STXBP6: variants seen among roughly 807,000 people sequenced by gnomAD.
STXBP6 encodes the protein syntaxin binding protein 6.
STXBP6 carries 21 observed loss-of-function variants against 26.9 expected under a neutral mutation model. The ratio of observed to expected loss-of-function variants is 0.78; its 90% confidence interval spans 0.55 to 1.12. The LOEUF (loss-of-function observed/expected upper bound fraction) is 1.12. STXBP6 is among the 50% of genes most tolerant of loss of function. The probability of loss-of-function intolerance (pLI) is 0.00; values close to 1 mark genes in which losing one functional copy is unlikely to be tolerated. For synonymous variants in STXBP6, 97 were observed against 92.6 expected (o/e 1.05, Z -0.27); for missense variants, 232 against 257.9 (o/e 0.90, Z 0.69).
intron 2 of STXBP6, among the ~76,000 whole-genome samples, chr14:24,894,769 G>A (rs1372504393): frequency 6.6e-6 from 1 of 152,190 alleles, no homozygotes; most frequent in East Asian, 1.9e-4. Context: ...CTTGCATTGT[G>A]TACAAAGTGG....
At chr14:24,815,589 G>A (rs1342498762) in intron 5 of STXBP6, 1 of 151,990 alleles carries the variant, frequency 6.6e-6, no homozygotes, top group Non-Finnish European at 1.5e-5. Context: ...CGCAGTGAGA[G>A]AAAGGCCACA....
chr14:25,044,522 T>C (rs547848378), intron 1 of STXBP6, among the ~76,000 whole-genome samples: 18 of 152,226 alleles, frequency 1.2e-4, no homozygotes, highest in South Asian at 4.1e-4. Flanking sequence ...CCTGACTGCT[T>C]TCATCCTGAG....
At chr14:24,923,582 C>T (rs1385460445) in intron 2 of STXBP6, among the ~76,000 whole-genome samples, 7 of 152,104 alleles carry the variant, frequency 4.6e-5, no homozygotes, top group Admixed American at 4.6e-4. Flanking sequence ...GCTCCCATTG[C>T]TCTACATCTT....
chr14:25,001,184 C>G (rs1022146069), intron 1 of STXBP6, among the ~76,000 whole-genome samples: 1 of 152,128 alleles, frequency 6.6e-6, no homozygotes, highest in Non-Finnish European at 1.5e-5. Context: ...TGATTAGATC[C>G]TTCTCAACAA....
chr14:24,956,021 C>T (rs574649278), intron 2 of STXBP6, among the ~76,000 whole-genome samples: 2 of 152,164 alleles, frequency 1.3e-5, no homozygotes, highest in Admixed American at 1.3e-4. Context: ...AACCCACACC[C>T]TTTTCTCCAC....
At chr14:25,044,170 C>CAA (rs768658907) in intron 1 of STXBP6, among the ~76,000 whole-genome samples, 1,285 of 52,540 alleles carry the variant, frequency 0.024, 53 homozygotes, top group East Asian at 0.067. Context: ...GACTCTGCCT[C>CAA]AAAAAAAAAA....
chr14:24,820,660 T>G (rs1252392733), intron 4 of STXBP6, among the ~76,000 whole-genome samples: 1 of 152,208 alleles, frequency 6.6e-6, no homozygotes, highest in Non-Finnish European at 1.5e-5. Flanking sequence ...CTCATAACTA[T>G]GATAATAACC....
At chr14:24,988,595 C>A (rs1216164397) in intron 1 of STXBP6, among the ~76,000 whole-genome samples, 1 of 152,162 alleles carries the variant, frequency 6.6e-6, no homozygotes, top group Non-Finnish European at 1.5e-5. Flanking sequence ...AAAAGCCATG[C>A]AACATTTCAA....
At chr14:24,974,248 G>A (rs2073983981) in intron 2 of STXBP6, among the ~76,000 whole-genome samples, 2 of 152,170 alleles carry the variant, frequency 1.3e-5, no homozygotes, top group Admixed American at 1.3e-4. Context: ...TAAGACAAGT[G>A]ATTACTGATT....
intron 2 of STXBP6, among the ~76,000 whole-genome samples, chr14:24,917,617 T>G (rs1178703426): frequency 6.6e-6 from 1 of 152,054 alleles, no homozygotes; most frequent in Non-Finnish European, 1.5e-5. Context: ...GAATAAATTA[T>G]AGACATAAAT....
chr14:24,862,950 G>A (rs1594986572), intron 2 of STXBP6, among the ~76,000 whole-genome samples: 1 of 152,064 alleles, frequency 6.6e-6, no homozygotes, highest in Admixed American at 6.6e-5. Flanking sequence ...CATTACTTTT[G>A]GGATGTGCAA....
intron 2 of STXBP6, among the ~76,000 whole-genome samples, chr14:24,967,053 C>T (rs1234029371): frequency 6.6e-6 from 1 of 152,020 alleles, no homozygotes; most frequent in East Asian, 1.9e-4. Context: ...GAGAGCACAG[C>T]ACAGTGGATA....
chr14:24,880,490 G>T (rs2070318804), intron 2 of STXBP6, among the ~76,000 whole-genome samples: 1 of 152,110 alleles, frequency 6.6e-6, no homozygotes, highest in Non-Finnish European at 1.5e-5. Flanking sequence ...GATGGGGAGG[G>T]TCATAACCAG....
At chr14:24,937,873 T>C (rs2072659167) in intron 2 of STXBP6, among the ~76,000 whole-genome samples, 1 of 152,152 alleles carries the variant, frequency 6.6e-6, no homozygotes, top group Non-Finnish European at 1.5e-5. Context: ...TTTTCAGATA[T>C]TTTGTTAATT....
chr14:24,818,173 T>C, intron 5 of STXBP6: 2 of 455,958 alleles, frequency 4.4e-6, no homozygotes, highest in East Asian at 1.4e-4. Flanking sequence ...CATCAGCAGA[T>C]GTTGTTTCTG....
chr14:24,850,865 T>A (rs1012173207), intron 4 of STXBP6, among the ~76,000 whole-genome samples: 1 of 152,130 alleles, frequency 6.6e-6, no homozygotes, highest in Non-Finnish European at 1.5e-5. Context: ...AGAGTTCAAG[T>A]AAAAGGCTTG....
intron 4 of STXBP6, among the ~76,000 whole-genome samples, chr14:24,828,834 C>T (rs1164166509): frequency 6.6e-6 from 1 of 152,164 alleles, no homozygotes; most frequent in Non-Finnish European, 1.5e-5. Context: ...TGCTAATATA[C>T]AAGAGCGATG....
At chr14:24,933,177 T>TA (rs891353474) in intron 2 of STXBP6, among the ~76,000 whole-genome samples, 6 of 152,008 alleles carry the variant, frequency 3.9e-5, no homozygotes, top group African/African-American at 1.5e-4. Flanking sequence ...CCTGTCCCTA[T>TA]AAAAAATACA....
At position 24,913,065 on chromosome 14, in the gene STXBP6, TATAATTACAGGGTA is replaced by T. The variant is rs537133312; in HGVS notation, c.155-55922_155-55909del. ...AACACCTACCCTGCCAGGAGACGGG[TATAATTACAGGGTA>T]ATTCACAGACTCATCAAATGGTATG... On this transcript the variant is annotated intron_variant, in intron 2 of 5. Transcript: ENST00000323944. Among the ~76,000 whole-genome samples the T allele has an allele frequency of 6.1e-3, 932 of 152,288 alleles. 5 individuals carry two copies. The highest frequency in any genetic ancestry group is 0.021 in the African/African-American group (886 of 41,560).
Sources: gnomAD v4.1 joint callset for allele counts (sites outside exome capture counted in the v4.1 genomes callset) on GRCh38, gnomAD v4.1.1 for gene constraint, MANE v1.5 for transcripts, NCBI Gene and HGNC (gene_info 2026-07-23, HGNC 2026-07-21) for gene names.